The following KANSL1 variants were observed in gnomAD, a reference collection of about 807,000 sequenced individuals.
KANSL1 encodes MLL1/MLL complex subunit KANSL1.
In KANSL1, 22 loss-of-function variants were observed where a neutral mutation model predicts 103.6. That is an observed-to-expected ratio of 0.21 (90% CI 0.15 to 0.30). The LOEUF (loss-of-function observed/expected upper bound fraction) is 0.30. Among genes scored for constraint, KANSL1 ranks in the 10% least tolerant of loss-of-function variants. KANSL1 has a pLI of 1.00. For missense variants in KANSL1, 1,337 were observed against 1,399.8 expected, an observed-to-expected ratio of 0.96 and a Z score of 0.72; for synonymous variants, 600 against 527.6, an observed-to-expected ratio of 1.14 and a Z score of -1.88.
upstream of KANSL1, chr17:46,225,010 C>A (rs993423619): frequency 6.6e-6 from 1 of 151,348 alleles, no homozygotes; most frequent in African/African-American, 2.4e-5. Flanking sequence ...GTCCGCTCCG[C>A]GCCCCCGGCC....
intron 1 of KANSL1, among the ~76,000 whole-genome samples, chr17:46,220,310 G>A (rs192124207): frequency 2.3e-3 from 346 of 150,790 alleles, no homozygotes; most frequent in African/African-American, 7.8e-3. Flanking sequence ...TCCGCCTCCC[G>A]GGTTCACGCC....
chr17:46,033,005 T>C (rs2077051792), intron 13 of KANSL1, 75 bp downstream of exon 13: 1 of 1,155,428 alleles, frequency 8.7e-7, no homozygotes, highest in Non-Finnish European at 1.2e-6. Flanking sequence ...AGCAATTCCA[T>C]GGACTCAAGT....
chr17:46,048,694 C>T (rs1223949098), intron 7 of KANSL1, among the ~76,000 whole-genome samples: 4 of 152,164 alleles, frequency 2.6e-5, no homozygotes, highest in South Asian at 2.1e-4. Flanking sequence ...ATTATGAAAG[C>T]GCTGGCTTCC....
chr17:46,033,494 C>A, intron 11 of KANSL1, 34 bp from the exon 12 acceptor site: 1 of 1,600,594 alleles, frequency 6.2e-7, no homozygotes, highest in Non-Finnish European at 8.6e-7. Context: ...CATGAGATGG[C>A]AAGCAGGCTA....
Position 46,105,937 on chromosome 17 carries a change from ACACACACACACC to A in KANSL1, c.1290-11248_1290-11237del, listed in dbSNP as rs1212430548. Among the ~76,000 whole-genome samples, 634 of 83,336 alleles carry A rather than the reference ACACACACACACC, an allele frequency of 7.6e-3. 9 individuals are homozygous for A. Among genetic ancestry groups the A allele is most frequent in the African/African-American group, 0.018 (473 of 25,696 alleles). 54.7% of individuals were successfully genotyped at this position (83,336 alleles called of 152,430 possible). A position where few individuals can be genotyped will look rare whatever the true frequency, so the allele number is the denominator to read the frequency against. On this transcript the variant is annotated intron_variant, in intron 2 of 14. Coordinates refer to ENST00000432791, the MANE Select transcript of KANSL1 (RefSeq NM_015443.4). ...CACACACACACACACACACACACAC[ACACACACACACC>A]CCCCCAGAAGGGTGAAGGAGCAGAA...
In KANSL1 at chr17:46,090,939, TAA is replaced by T. The variant is rs1305842555; in HGVS notation, c.1431+3619_1431+3620del. Among the ~76,000 whole-genome samples the T allele has an allele frequency of 2.6e-5, 4 of 152,334 alleles. No individual in the cohort carries two copies. The South Asian group carries it at 6.2e-4, about 24-fold the overall frequency. Reference sequence around the variant, plus strand: ...CTGTTACACTTATTTCTTATGATAATAAAAAGTGTTATGTATTTACTATACTA... The same window carrying T: ...CTGTTACACTTATTTCTTATGATAATAAAGTGTTATGTATTTACTATACTA... On this transcript the variant is annotated intron_variant, in intron 3 of 14. Coordinates refer to ENST00000432791, the MANE Select transcript of KANSL1 (RefSeq NM_015443.4).
At chr17:46,032,968 G>T in intron 13 of KANSL1, 112 bp downstream of exon 13, 1 of 752,188 alleles carries the variant, frequency 1.3e-6, no homozygotes, top group Non-Finnish European at 2.1e-6. Context: ...GCCAGTAGAT[G>T]AGTATGATGA....
Position 46,040,043 on chromosome 17 carries a change from G to C in KANSL1, c.2021-159C>G, listed in dbSNP as rs535615013. On this transcript the variant is annotated intron_variant, in intron 7 of 14. Coordinates refer to ENST00000432791, the MANE Select transcript of KANSL1 (RefSeq NM_015443.4). The stretch of plus-strand genomic sequence containing the variant: ...TCTGTTTACGTGAACATTACTGAAG[G>C]TCATTCTTCTATTTGCAAGCAGGTC... 27 of 559,928 alleles carry C rather than the reference G, an allele frequency of 4.8e-5. No individual in the cohort carries two copies. In the East Asian group the frequency reaches 8.2e-4, roughly 17 times the overall value. 34.7% of individuals were successfully genotyped at this position (559,928 alleles called of 1,614,324 possible). A position where few individuals can be genotyped will look rare whatever the true frequency, so the allele number is the denominator to read the frequency against.
intron 1 of KANSL1, among the ~76,000 whole-genome samples, chr17:46,187,591 G>A: frequency 6.6e-6 from 1 of 152,204 alleles, no homozygotes; most frequent in East Asian, 1.9e-4. Context: ...TTCACAGTCA[G>A]CAACAATAAA....
rs190352352 is a variant in KANSL1 at position 46,081,791 on chromosome 17, T to C, written c.1533+650A>G. ...AATAATAAACTACGGTTGTGGGACT[T>C]TGGAATTTCTAATTAAGTTATGGAG... On this transcript the variant is annotated intron_variant, in intron 4 of 14. Coordinates refer to ENST00000432791, the MANE Select transcript of KANSL1 (RefSeq NM_015443.4). 3.3e-3 allele frequency among the ~76,000 whole-genome samples: 499 copies of C among 152,342 alleles called. 1 individual carries two copies. The highest frequency in any genetic ancestry group is 5.4e-3 in the Non-Finnish European group (368 of 68,036).
chr17:46,040,743 T>G (rs972814319), intron 7 of KANSL1: 2 of 152,228 alleles, frequency 1.3e-5, no homozygotes, highest in Non-Finnish European at 2.9e-5. Context: ...TGGGGACAAC[T>G]TCCATGTGTT....
chr17:46,135,192 C>G (rs1242342978), intron 2 of KANSL1, among the ~76,000 whole-genome samples: 1 of 151,638 alleles, frequency 6.6e-6, no homozygotes, highest in African/African-American at 2.4e-5. Flanking sequence ...GAAATAGATT[C>G]TGAAATATTT....
chr17:46,096,061 C>A (rs1424777034), intron 2 of KANSL1, among the ~76,000 whole-genome samples: 1 of 151,474 alleles, frequency 6.6e-6, no homozygotes, highest in African/African-American at 2.4e-5. Context: ...AAAATTGGAA[C>A]CACCATTTTT....
chr17:46,118,156 T>TA (rs998884917), intron 2 of KANSL1, among the ~76,000 whole-genome samples: 5 of 152,366 alleles, frequency 3.3e-5, no homozygotes, highest in Middle Eastern at 3.4e-3. Context: ...TTTAAACTCT[T>TA]AGATAAAAGA....
At chr17:46,137,690 C>T (rs936266091) in intron 2 of KANSL1, among the ~76,000 whole-genome samples, 7 of 151,744 alleles carry the variant, frequency 4.6e-5, no homozygotes, top group Admixed American at 1.3e-4. Flanking sequence ...GGTGAAACCC[C>T]GTCTCTACTA....
chr17:46,135,357 T>C (rs1270943157), intron 2 of KANSL1, among the ~76,000 whole-genome samples: 1 of 142,894 alleles, frequency 7.0e-6, no homozygotes, highest in African/African-American at 2.5e-5. Context: ...TCTCTGAATA[T>C]TTCACAATAA....
chr17:46,089,758 G>A lies in KANSL1; in HGVS notation c.1431+4802C>T, dbSNP rs572530102. 4.6e-5 allele frequency among the ~76,000 whole-genome samples: 7 copies of A among 152,248 alleles called. No homozygotes were observed. The South Asian group carries it at 1.2e-3, about 27-fold the overall frequency. ...AATAGCTCTGCACTCACTTGGATGT[G>A]TAACCATGAACAAACTACTTGACTG... On this transcript the variant is annotated intron_variant, in intron 3 of 14. Coordinates refer to ENST00000432791, the MANE Select transcript of KANSL1 (RefSeq NM_015443.4).
At chr17:46,189,304 T>C (rs1299023413) in intron 1 of KANSL1, among the ~76,000 whole-genome samples, 4 of 152,112 alleles carry the variant, frequency 2.6e-5, no homozygotes, top group African/African-American at 9.7e-5. Flanking sequence ...CAACCACTTA[T>C]TCAGTTTACC....
At chr17:46,152,248 C>G (rs1445974257) in intron 2 of KANSL1, among the ~76,000 whole-genome samples, 1 of 152,218 alleles carries the variant, frequency 6.6e-6, no homozygotes, top group Non-Finnish European at 1.5e-5. Context: ...AAACTAGTAG[C>G]TCTACCTCCA....
Sources: gnomAD v4.1 joint callset for allele counts (sites outside exome capture counted in the v4.1 genomes callset) on GRCh38, gnomAD v4.1.1 for gene constraint, MANE v1.5 for transcripts, NCBI Gene and HGNC (gene_info 2026-07-23, HGNC 2026-07-21) for gene names.